The following EWSR1 variants were observed in gnomAD, a reference collection of about 807,000 sequenced individuals.
EWSR1 encodes the protein RNA-binding protein EWS.
A neutral mutation model predicts 92.1 loss-of-function variants in EWSR1; 14 were observed. The observed-to-expected ratio is 0.15, with a 90% CI of 0.10 to 0.24. The LOEUF (loss-of-function observed/expected upper bound fraction) is 0.24. Ranked by LOEUF, EWSR1 falls within the 10% of genes least tolerant of loss-of-function variation. EWSR1 has a pLI of 1.00. For synonymous variants in EWSR1, 303 were observed against 292.9 expected, an observed-to-expected ratio of 1.03 and a Z score of -0.35; for missense variants, 637 against 870.9, an observed-to-expected ratio of 0.73 and a Z score of 3.38.
intron 8 of EWSR1, chr22:29,290,971 T>C (rs2060400617): frequency 4.2e-6 from 1 of 237,486 alleles, no homozygotes; most frequent in Non-Finnish European, 8.3e-6. Flanking sequence ...CCTTGGTATT[T>C]GTTGTAAATT....
intron 1 of EWSR1, chr22:29,269,357 A>C (rs182985202): frequency 6.6e-5 from 10 of 152,380 alleles, no homozygotes; most frequent in Admixed American, 2.6e-4. Flanking sequence ...ACTTGCAAGC[A>C]AGCCCCGGTT....
rs541212333 is a variant in EWSR1, at chr22:29,291,496, C to A, written c.975-66C>A. On this transcript the variant is annotated intron_variant, in intron 8 of 16. Coordinates refer to ENST00000397938, the MANE Select transcript of EWSR1 (RefSeq NM_005243.4). ...AGTGCCCTTCTTCCCCACGAGCCCC[C>A]CCAAGGCTCAGAGCGGTACTGGCTT... is the stretch of plus-strand genomic sequence containing the variant. 526 of 1,530,342 alleles carry A rather than the reference C, an allele frequency of 3.4e-4. 4 individuals carry two copies. The South Asian group carries it at 4.4e-3, about 13-fold the overall frequency. The allele number at this position is 1,530,342 out of a possible 1,614,324, so 94.8% of individuals were successfully genotyped here.
chr22:29,279,806 C>G (rs1465707701), intron 5 of EWSR1, among the ~76,000 whole-genome samples: 1 of 152,186 alleles, frequency 6.6e-6, no homozygotes, highest in Non-Finnish European at 1.5e-5. Context: ...TGGCTTATTC[C>G]TGAAAGGCCT....
In EWSR1 at chr22:29,288,698, G is replaced by A. The variant is rs775059137; in HGVS notation, c.886G>A (p.Gly296Ser). 2 of 1,613,994 alleles carry A rather than the reference G, an allele frequency of 1.2e-6. No individual in the cohort carries two copies. The highest frequency in any genetic ancestry group is 1.7e-6 in the Non-Finnish European group (2 of 1,179,868). Residue 296 changes from glycine to serine, a missense_variant, in exon 8 of 17, where the codon GGC (glycine) becomes AGC (serine). By Grantham distance (56) the Gly-to-Ser change is moderately conservative. Around this residue, in one of 5 missense-constraint regions of EWSR1, gnomAD observed 116 missense variants for 167.8 expected, o/e 0.69. Transcript: ENST00000397938. ...SGPGENRSMS[G>S]PDNRGRGRGG... ...ACCAGGAGAGAACCGGAGCATGAGT[G>A]GCCCTGATAACCGGGGCAGGGGAAG...
At chr22:29,289,764 T>C (rs1057190600) in intron 8 of EWSR1, 3 of 232,112 alleles carry the variant, frequency 1.3e-5, no homozygotes, top group African/African-American at 6.6e-5. Flanking sequence ...AACTTCCATA[T>C]TAGCAAATAC....
intron 8 of EWSR1, chr22:29,290,754 A>G: frequency 2.2e-5 from 24 of 1,100,908 alleles, no homozygotes; most frequent in Non-Finnish European, 2.8e-5. Context: ...TTGAAATTGT[A>G]TATTCAGGTA....
chr22:29,268,456 G>A (rs957030826), intron 1 of EWSR1, 107 bp downstream of exon 1: 15 of 1,590,676 alleles, frequency 9.4e-6, no homozygotes, highest in Non-Finnish European at 1.3e-5. Flanking sequence ...TTGCCGAGAG[G>A]GGGTTGAGGC....
At chr22:29,296,146 G>T in intron 11 of EWSR1, 93 bp from the exon 12 acceptor site, 1 of 1,315,040 alleles carries the variant, frequency 7.6e-7, no homozygotes, top group South Asian at 1.4e-5. Context: ...TACTACATGT[G>T]AGAAATTGGT....
intron 4 of EWSR1, chr22:29,277,247 A>G (rs2059192882): frequency 8.9e-6 from 2 of 225,956 alleles, no homozygotes; most frequent in Admixed American, 5.7e-5. Flanking sequence ...TGAGCAGGAA[A>G]AAGGCCTTTT....
At chr22:29,299,449 T>C (rs2061161786) in intron 15 of EWSR1, 118 bp downstream of exon 15, 1 of 1,495,242 alleles carries the variant, frequency 6.7e-7, no homozygotes, top group Non-Finnish European at 8.9e-7. Flanking sequence ...TGTCGTGTCC[T>C]CATTTCTAAA....
At chr22:29,288,915 C>G in intron 8 of EWSR1, 129 bp downstream of exon 8, 1 of 888,480 alleles carries the variant, frequency 1.1e-6, no homozygotes, top group Non-Finnish European at 1.6e-6. Flanking sequence ...GAGCTCAAGC[C>G]ATCTTCTAAA....
intron 11 of EWSR1, 142 bp downstream of exon 11, chr22:29,292,748 T>A (rs1164882217): frequency 1.9e-6 from 1 of 515,690 alleles, no homozygotes; most frequent in Non-Finnish European, 3.5e-6. Context: ...TGTTCCTTTT[T>A]AAAAAAGATT....
chr22:29,292,057 A>C lies in EWSR1; in HGVS notation c.1013-80A>C, dbSNP rs2060479031. ...TCCCCATCAAATGGTGGTATAGTAG[A>C]TAGCTATGTGTGTTTGTAAGGTTTG... On this transcript the variant is annotated intron_variant, in intron 9 of 16. Coordinates refer to ENST00000397938, the MANE Select transcript of EWSR1 (RefSeq NM_005243.4). The C allele has an allele frequency of 1.7e-5, 21 of 1,217,598 alleles. No homozygotes were observed. In the East Asian group the frequency reaches 4.6e-4, roughly 27 times the overall value. The allele number at this position is 1,217,598 out of a possible 1,614,324, so 75.4% of individuals were successfully genotyped here.
Position 29,299,642 on chromosome 22 carries a change from A to C in EWSR1, c.1722A>C (p.Gly574=). The change falls in exon 16 of 17, where the codon GGA becomes GGC. Residue 574 remains glycine, a synonymous_variant. Transcript: ENST00000397938. ...GRGGPGGMRG[G]RGGLMDRGGP... is the part of the protein sequence containing the mutation. The stretch of plus-strand genomic sequence containing the variant: ...GTGGCCCTGGTGGCATGCGGGGAGG[A>C]AGAGGTGGCCTCATGGATCGTGGTG... 1 of 1,608,436 alleles carries C rather than the reference A, an allele frequency of 6.2e-7. No individual in the cohort carries two copies. Among genetic ancestry groups the C allele is most frequent in the East Asian group, 2.2e-5 (1 of 44,748 alleles).
chr22:29,297,961 G>T lies in EWSR1; in HGVS notation c.1417+12G>T. 1 of 1,609,858 alleles carries T rather than the reference G, an allele frequency of 6.2e-7. No individual in the cohort carries two copies. On this transcript the variant is annotated intron_variant, in intron 13 of 16. Transcript: ENST00000397938. The stretch of plus-strand genomic sequence containing the variant: ...ACCACTCCGTGGAGGTACTTTTTCT[G>T]AGCTCCTATGTTGCATTAAAAGGTT...
intron 1 of EWSR1, among the ~76,000 whole-genome samples, chr22:29,271,865 C>T (rs556814517): frequency 6.6e-6 from 1 of 152,204 alleles, no homozygotes; most frequent in East Asian, 1.9e-4. Context: ...AACTTCTGAT[C>T]CTGTTAGTAG....
chr22:29,286,349 A>G (rs1456001341), intron 6 of EWSR1, among the ~76,000 whole-genome samples: 3 of 151,448 alleles, frequency 2.0e-5, no homozygotes, highest in Admixed American at 6.6e-5. Context: ...GGGAGTGGCG[A>G]TTAAGAGAAA....
Position 29,299,827 on chromosome 22 carries a change from G to GTGGAGGACC in EWSR1, c.1912_1920dup (p.Gly638_Gly640dup). On this transcript the variant is annotated inframe_insertion, in exon 16 of 17. Coordinates refer to ENST00000397938, the MANE Select transcript of EWSR1 (RefSeq NM_005243.4). Reference sequence around the variant, plus strand: ...CAGATGGGAGGAAGAAGAGGAGGACGTGGAGGACCTGGAAAAATGGATAAG... The same window carrying GTGGAGGACC: ...CAGATGGGAGGAAGAAGAGGAGGACGTGGAGGACCTGGAGGACCTGGAAAAATGGATAAG... 1 of 1,554,082 alleles carries GTGGAGGACC rather than the reference G, an allele frequency of 6.4e-7. No homozygotes were observed. The highest frequency in any genetic ancestry group is 8.7e-7 in the Non-Finnish European group (1 of 1,148,362).
chr22:29,278,275 T>G, intron 5 of EWSR1, 59 bp downstream of exon 5: 3 of 1,509,374 alleles, frequency 2.0e-6, no homozygotes. Flanking sequence ...AAAGCAACTG[T>G]GTACACTTAA....
Sources: allele counts gnomAD v4.1 joint callset (sites outside exome capture counted in the v4.1 genomes callset), GRCh38; gene constraint gnomAD v4.1.1; regional missense constraint gnomAD v4.1.1; transcripts MANE v1.5; gene names NCBI Gene and HGNC (gene_info 2026-07-23, HGNC 2026-07-21).